The following RAB6B variants were observed in gnomAD, a reference collection of about 807,000 sequenced individuals.
RAB6B encodes RAB6B, member RAS oncogene family.
A neutral mutation model predicts 31.2 loss-of-function variants in RAB6B; 7 were observed. The observed-to-expected ratio is 0.22, with a 90% confidence interval of 0.13 to 0.42. The LOEUF (loss-of-function observed/expected upper bound fraction) is 0.42, where lower values mean the gene tolerates loss of function less well. Among genes scored for constraint, RAB6B ranks in the 10% least tolerant of loss-of-function variants. RAB6B has a pLI of 1.00. For missense variants in RAB6B, 149 were observed against 280.6 expected (o/e 0.53, Z 3.35); for synonymous variants, 105 against 104.9 (o/e 1.00, Z -0.01).
intron 6 of RAB6B, 146 bp from the exon 7 acceptor site, chr3:133,834,787 G>A (rs1263112067): frequency 8.0e-6 from 6 of 751,670 alleles, no homozygotes; most frequent in Non-Finnish European, 1.4e-5. Context: ...TCAAAGGCAG[G>A]GGCTGTGCCT....
At chr3:133,856,956 T>A (rs1023264619) in intron 2 of RAB6B, among the ~76,000 whole-genome samples, 1 of 152,168 alleles carries the variant, frequency 6.6e-6, no homozygotes, top group Non-Finnish European at 1.5e-5. Context: ...ATATAAAAAA[T>A]ATCCTCATGT....
intron 1 of RAB6B, among the ~76,000 whole-genome samples, chr3:133,875,596 C>G (rs1212311558): frequency 6.6e-6 from 1 of 152,156 alleles, no homozygotes; most frequent in African/African-American, 2.4e-5. Context: ...TCAGTCTTGG[C>G]CTCAGCCCTT....
At chr3:133,885,242 C>T (rs192973127) in intron 1 of RAB6B, among the ~76,000 whole-genome samples, 4 of 148,248 alleles carry the variant, frequency 2.7e-5, no homozygotes, top group Admixed American at 6.7e-5. Flanking sequence ...GATTAGAGGA[C>T]GGGAACTCAC....
intron 6 of RAB6B, among the ~76,000 whole-genome samples, chr3:133,836,434 T>G (rs1020745490): frequency 6.6e-6 from 1 of 152,206 alleles, no homozygotes; most frequent in Non-Finnish European, 1.5e-5. Context: ...AGGTATGGGT[T>G]TCTGTGAGTG....
At chr3:133,893,876 G>GA (rs1301147271) in intron 1 of RAB6B, among the ~76,000 whole-genome samples, 1 of 152,154 alleles carries the variant, frequency 6.6e-6, no homozygotes, top group East Asian at 1.9e-4. Flanking sequence ...TCAGCTCTAT[G>GA]AAACTGGGAT....
chr3:133,848,366 C>T (rs1241370688), intron 2 of RAB6B, among the ~76,000 whole-genome samples: 1 of 152,218 alleles, frequency 6.6e-6, no homozygotes, highest in Non-Finnish European at 1.5e-5. Flanking sequence ...CTAGTTTAGA[C>T]ACTGAACTTC....
At chr3:133,866,831 G>C (rs777950221) in intron 1 of RAB6B, among the ~76,000 whole-genome samples, 4 of 152,246 alleles carry the variant, frequency 2.6e-5, no homozygotes, top group Non-Finnish European at 5.9e-5. Flanking sequence ...GGAGTGGAAA[G>C]TTACTGCCTC....
intron 1 of RAB6B, among the ~76,000 whole-genome samples, chr3:133,891,139 C>A (rs549578948): frequency 6.6e-6 from 1 of 152,096 alleles, no homozygotes; most frequent in Admixed American, 6.5e-5. Context: ...GGGCAGGGGT[C>A]AGGATGGGTC....
At chr3:133,857,491 G>A (rs997856791) in intron 2 of RAB6B, among the ~76,000 whole-genome samples, 1 of 149,896 alleles carries the variant, frequency 6.7e-6, no homozygotes, top group Non-Finnish European at 1.5e-5. Context: ...CTTGGCGTGT[G>A]CCCTCACTCT....
chr3:133,871,079 A>G (rs1200921434), intron 1 of RAB6B, among the ~76,000 whole-genome samples: 1 of 152,244 alleles, frequency 6.6e-6, no homozygotes. Context: ...GGTGGTTTCT[A>G]GGTAGCTGCA....
intron 2 of RAB6B, 138 bp downstream of exon 2, chr3:133,864,446 T>C (rs542305574): frequency 1.6e-5 from 13 of 820,010 alleles, no homozygotes; most frequent in Admixed American, 3.6e-5. Context: ...GGGGCCAGTA[T>C]AGAGGTGGGA....
Position 133,825,304 on chromosome 3 carries a change from G to A in RAB6B, c.*3484C>T, listed in dbSNP as rs984978269. On this transcript the variant is annotated 3_prime_UTR_variant, in exon 8 of 8. Transcript: ENST00000285208. Reference sequence around the variant, plus strand: ...CCCAGGGCAGGGCCTCCCCGCACTGGCTAGCCACCAGGATGATGCAGACGT... The same window carrying A: ...CCCAGGGCAGGGCCTCCCCGCACTGACTAGCCACCAGGATGATGCAGACGT... The A allele has an allele frequency of 6.6e-6, 1 of 152,200 alleles. No homozygotes were observed. The highest frequency in any genetic ancestry group is 2.4e-5 in the African/African-American group (1 of 41,440). The allele number at this position is 152,200 out of a possible 1,614,324, so 9.4% of individuals were successfully genotyped here. A position where few individuals can be genotyped will look rare whatever the true frequency, so the allele number is the denominator to read the frequency against.
intron 6 of RAB6B, among the ~76,000 whole-genome samples, chr3:133,837,398 A>G (rs1189566493): frequency 1.3e-5 from 2 of 152,184 alleles, no homozygotes; most frequent in Non-Finnish European, 2.9e-5. Context: ...ACACTGATAG[A>G]TGTGAAGTTC....
At chr3:133,836,577 C>T (rs1200908296) in intron 6 of RAB6B, among the ~76,000 whole-genome samples, 1 of 152,212 alleles carries the variant, frequency 6.6e-6, no homozygotes, top group African/African-American at 2.4e-5. Context: ...GGGGTAGGGG[C>T]ATCAGTGCCT....
chr3:133,888,371 G>T (rs1366178697), intron 1 of RAB6B, among the ~76,000 whole-genome samples: 1 of 152,356 alleles, frequency 6.6e-6, no homozygotes, highest in Middle Eastern at 3.4e-3. Context: ...TAAATGCCAC[G>T]TGAGTGAACT....
intron 7 of RAB6B, among the ~76,000 whole-genome samples, chr3:133,833,045 A>AGAGCGGGCAGTGCAACCCTTCCCC (rs1175412345): frequency 6.6e-6 from 1 of 152,178 alleles, no homozygotes; most frequent in Admixed American, 6.5e-5. Flanking sequence ...GGTGGGATGG[A>AGAGCGGGCAGTGCAACCCTTCCCC]GAGCGGGCAG....
chr3:133,827,956 G>A lies in RAB6B; in HGVS notation c.*832C>T, dbSNP rs548399884. ...CATGGCACCCCAGTCTATAAACCACGCACCACGCAGCTGCAATTGCCAACA... is the reference window on the plus strand; with the variant it reads ...CATGGCACCCCAGTCTATAAACCACACACCACGCAGCTGCAATTGCCAACA... On this transcript the variant is annotated 3_prime_UTR_variant, in exon 8 of 8. Coordinates refer to ENST00000285208, the MANE Select transcript of RAB6B (RefSeq NM_016577.4). 7 of 702,914 alleles carry A rather than the reference G, an allele frequency of 1.0e-5. No homozygotes were observed. Among genetic ancestry groups the A allele is most frequent in the African/African-American group, 5.2e-5 (3 of 57,340 alleles). The allele number at this position is 702,914 out of a possible 1,614,324, so 43.5% of individuals were successfully genotyped here. A position where few individuals can be genotyped will look rare whatever the true frequency, so the allele number is the denominator to read the frequency against.
rs371241160 is a variant in RAB6B, at chr3:133,838,272, G to A, written c.402-13C>T. ...GATGGTTATCTGCCTAGAGATGAGG[G>A]GAAGGGGGGAAATCAGCTCAGCAGA... On this transcript the variant is annotated splice_polypyrimidine_tract_variant and intron_variant, in intron 5 of 7. Coordinates refer to ENST00000285208, the MANE Select transcript of RAB6B (RefSeq NM_016577.4). 1.2e-6 allele frequency: 2 copies of A among 1,609,616 alleles called. No homozygotes were observed. Among genetic ancestry groups the A allele is most frequent in the African/African-American group, 1.3e-5 (1 of 74,828 alleles).
intron 1 of RAB6B, chr3:133,885,534 C>G: frequency 1.4e-6 from 1 of 702,990 alleles, no homozygotes; most frequent in Non-Finnish European, 2.6e-6. Context: ...AGCTCACACA[C>G]CCAATGGCCA....
Sources: allele counts gnomAD v4.1 joint callset (sites outside exome capture counted in the v4.1 genomes callset), GRCh38; gene constraint gnomAD v4.1.1; transcripts MANE v1.5; gene names NCBI Gene and HGNC (gene_info 2026-07-23, HGNC 2026-07-21).